ATG10: variants seen among roughly 807,000 people sequenced by gnomAD.
ATG10 encodes autophagy related 10.
A neutral mutation model predicts 32.1 loss-of-function variants in ATG10; 30 were observed. The ratio of observed to expected loss-of-function variants is 0.94; its 90% CI spans 0.70 to 1.27. The LOEUF (loss-of-function observed/expected upper bound fraction) is 1.27. Ranked by LOEUF, ATG10 falls within the 50% of genes most tolerant of loss-of-function variation. The probability of loss-of-function intolerance (pLI) is 0.00; values close to 1 mark genes in which losing one functional copy is unlikely to be tolerated. For missense variants in ATG10, 233 were observed against 262.3 expected (o/e 0.89, Z 0.77); for synonymous variants, 87 against 91.5 (o/e 0.95, Z 0.28).
chr5:82,109,534 T>C (rs1429611863), intron 3 of ATG10, among the ~76,000 whole-genome samples: 2 of 151,996 alleles, frequency 1.3e-5, no homozygotes, highest in African/African-American at 4.8e-5. Flanking sequence ...TGTATAATGC[T>C]CTTGTAAGCC....
chr5:82,070,861 T>G (rs1764109109), intron 3 of ATG10, among the ~76,000 whole-genome samples: 1 of 152,176 alleles, frequency 6.6e-6, no homozygotes, highest in Non-Finnish European at 1.5e-5. Flanking sequence ...TTCTTTTGGC[T>G]TCTACCAAAA....
intron 2 of ATG10, among the ~76,000 whole-genome samples, chr5:82,036,483 A>G (rs1204350826): frequency 6.6e-6 from 1 of 151,992 alleles, no homozygotes; most frequent in Non-Finnish European, 1.5e-5. Flanking sequence ...AATCCCAGCT[A>G]CTCGGGAGGC....
chr5:82,164,320 A>T, intron 3 of ATG10, 79 bp from the exon 4 acceptor site: 1 of 1,339,834 alleles, frequency 7.5e-7, no homozygotes, highest in Non-Finnish European at 1.1e-6. Context: ...TGTGAGAAGA[A>T]AATCTCCTCT....
chr5:81,973,441 T>A (rs1760784474), intron 1 of ATG10: 1 of 152,260 alleles, frequency 6.6e-6, no homozygotes, highest in African/African-American at 2.4e-5. Context: ...ATTAACCATT[T>A]TTCTGTCTAA....
At chr5:82,084,918 A>C (rs1394930089) in intron 3 of ATG10, among the ~76,000 whole-genome samples, 1 of 152,226 alleles carries the variant, frequency 6.6e-6, no homozygotes, top group East Asian at 1.9e-4. Context: ...AAGAAACTGC[A>C]TCAACTAACG....
intron 4 of ATG10, among the ~76,000 whole-genome samples, chr5:82,167,049 T>TC (rs746329376): frequency 2.5e-4 from 38 of 152,270 alleles, no homozygotes; most frequent in Middle Eastern, 3.4e-3. Flanking sequence ...TCAGAAGAAA[T>TC]CTTTACTCTG....
intron 3 of ATG10, 76 bp from the exon 4 acceptor site, chr5:82,164,323 T>A: frequency 2.2e-6 from 3 of 1,338,952 alleles, no homozygotes; most frequent in Admixed American, 2.1e-5. Flanking sequence ...GAGAAGAAAA[T>A]CTCCTCTTTT....
At chr5:82,078,237 A>G (rs940858537) in intron 3 of ATG10, among the ~76,000 whole-genome samples, 3 of 152,066 alleles carry the variant, frequency 2.0e-5, no homozygotes, top group Non-Finnish European at 2.9e-5. Context: ...TTTAGTACAC[A>G]TTTTTGTATC....
At chr5:82,063,494 ATTT>A (rs143081537) in intron 3 of ATG10, among the ~76,000 whole-genome samples, 1 of 143,686 alleles carries the variant, frequency 7.0e-6, no homozygotes, top group Non-Finnish European at 1.5e-5. Flanking sequence ...ACTGCTAACA[ATTT>A]TTTTTTTTTT....
At chr5:82,112,699 CA>C (rs1765657014) in intron 3 of ATG10, among the ~76,000 whole-genome samples, 1 of 151,770 alleles carries the variant, frequency 6.6e-6, no homozygotes, top group African/African-American at 2.4e-5. Flanking sequence ...ATGGCATAAA[CA>C]TGCATTTTAC....
chr5:82,205,799 T>C (rs1405844131), intron 5 of ATG10, among the ~76,000 whole-genome samples: 1 of 152,164 alleles, frequency 6.6e-6, no homozygotes, highest in Non-Finnish European at 1.5e-5. Flanking sequence ...TTTGATTTCT[T>C]AAGCAGTGCA....
At chr5:82,007,522 G>A (rs746158772) in intron 2 of ATG10, among the ~76,000 whole-genome samples, 3 of 152,194 alleles carry the variant, frequency 2.0e-5, no homozygotes, top group Non-Finnish European at 4.4e-5. Context: ...GTGCAATTTC[G>A]GTTCACTGCA....
At chr5:82,129,487 CCTTTGGT>C (rs1234374848) in intron 3 of ATG10, among the ~76,000 whole-genome samples, 1 of 152,064 alleles carries the variant, frequency 6.6e-6, no homozygotes, top group Admixed American at 6.6e-5. Context: ...GATTTACCTA[CCTTTGGT>C]CTTTGATGCT....
At chr5:82,021,668 G>A (rs1169380283) in intron 2 of ATG10, among the ~76,000 whole-genome samples, 1 of 151,750 alleles carries the variant, frequency 6.6e-6, no homozygotes, top group African/African-American at 2.4e-5. Context: ...GGATCATGAG[G>A]TCAGGAGTTT....
Position 82,164,536 on chromosome 5 carries a change from A to C in ATG10, c.354A>C (p.Leu118Phe). 6.2e-7 allele frequency: 1 copy of C among 1,608,746 alleles called. No homozygotes were observed. The highest frequency in any genetic ancestry group is 8.5e-7 in the Non-Finnish European group (1 of 1,176,988). Residue 118 changes from leucine (L) to phenylalanine (F), a missense_variant and splice_region_variant, in exon 4 of 8, where the codon TTA becomes TTC. Physicochemically the swap from Leu to Phe is conservative, Grantham distance 22. Coordinates refer to ENST00000282185, the MANE Select transcript of ATG10 (RefSeq NM_031482.5). ...VPVLYFRASF[L>F]DGRPLTLKDI... ...TACTTTACTTTAGGGCAAGCTTTTT[A>C]GGTAAGAACATGTCTGAAGCTAAAA...
At chr5:82,252,712 A>T (rs779633100) in intron 6 of ATG10, 53 bp downstream of exon 6, 3 of 1,060,728 alleles carry the variant, frequency 2.8e-6, no homozygotes, top group East Asian at 4.9e-5. Context: ...TAAAAGTGTA[A>T]ATCTTTTTAT....
At chr5:82,106,521 T>C (rs573781141) in intron 3 of ATG10, among the ~76,000 whole-genome samples, 1 of 152,246 alleles carries the variant, frequency 6.6e-6, no homozygotes, top group African/African-American at 2.4e-5. Context: ...ACCATTGTTC[T>C]TTGTTTCATT....
At chr5:82,169,613 T>C (rs1407814784) in intron 4 of ATG10, among the ~76,000 whole-genome samples, 6 of 152,038 alleles carry the variant, frequency 3.9e-5, no homozygotes, top group Non-Finnish European at 7.4e-5. Context: ...TAATTTAGAG[T>C]CTTAATTGTA....
intron 2 of ATG10, among the ~76,000 whole-genome samples, chr5:82,048,581 C>T (rs1763298471): frequency 6.6e-6 from 1 of 152,040 alleles, no homozygotes. Context: ...TTCTGCACAG[C>T]AAAAGAAACT....
Sources: allele counts gnomAD v4.1 joint callset (sites outside exome capture counted in the v4.1 genomes callset), GRCh38; gene constraint gnomAD v4.1.1; transcripts MANE v1.5; gene names NCBI Gene and HGNC (gene_info 2026-07-23, HGNC 2026-07-21).